The following SMAD9 variants were observed in gnomAD, a reference collection of about 807,000 sequenced individuals.
SMAD9 encodes the protein SMAD family member 9, also known as MAD homolog 9.
SMAD9 carries 36 observed loss-of-function variants against 46.1 expected under a neutral mutation model. The observed-to-expected ratio is 0.78, with a 90% confidence interval of 0.60 to 1.03. SMAD9 has a LOEUF of 1.03. SMAD9 is among the 50% of genes least tolerant of loss of function. The pLI, the probability that SMAD9 is intolerant of heterozygous loss-of-function variation, is 0.00. For missense variants in SMAD9, 572 were observed against 599.8 expected, an observed-to-expected ratio of 0.95 and a Z score of 0.48; for synonymous variants, 245 against 237.1, an observed-to-expected ratio of 1.03 and a Z score of -0.31.
At chr13:36,902,137 AT>A (rs1445340428) in intron 1 of SMAD9, among the ~76,000 whole-genome samples, 1 of 151,562 alleles carries the variant, frequency 6.6e-6, no homozygotes, top group East Asian at 1.9e-4. Context: ...GTTATTGATC[AT>A]TTTCAGTCAA....
chr13:36,849,114 T>C (rs887926910), intron 6 of SMAD9, among the ~76,000 whole-genome samples: 1 of 152,154 alleles, frequency 6.6e-6, no homozygotes, highest in Non-Finnish European at 1.5e-5. Context: ...CATTTTCCCT[T>C]CCACAAAGGA....
intron 4 of SMAD9, among the ~76,000 whole-genome samples, 167 bp from the exon 5 acceptor site, chr13:36,865,925 T>C (rs1041769139): frequency 6.6e-6 from 1 of 152,180 alleles, no homozygotes; most frequent in Non-Finnish European, 1.5e-5. Flanking sequence ...TGGGAGCTGT[T>C]TGGGGCCGGC....
At chr13:36,893,453 T>C (rs774689761) in intron 1 of SMAD9, among the ~76,000 whole-genome samples, 1 of 148,094 alleles carries the variant, frequency 6.8e-6, no homozygotes, top group African/African-American at 2.5e-5. Flanking sequence ...TATATATATA[T>C]ATACACATAA....
At chr13:36,850,406 G>A (rs1205317012) in intron 6 of SMAD9, among the ~76,000 whole-genome samples, 1 of 152,116 alleles carries the variant, frequency 6.6e-6, no homozygotes, top group Non-Finnish European at 1.5e-5. Context: ...TTGAGATGGA[G>A]TCTGGCTCTG....
In SMAD9 at chr13:36,848,700, A is replaced by G; in HGVS notation, c.1380T>C (p.His460=). ...GTTAAGACACTGAAGAAATGGGGTTATGTGGAGAGCCCATCTGAGTCAGAA... is the reference window on the plus strand; with the variant it reads ...GTTAAGACACTGAAGAAATGGGGTTGTGTGGAGAGCCCATCTGAGTCAGAA... ...DKVLTQMGSP[H]NPISSVS Residue 460 remains histidine (H), a synonymous_variant, in exon 7 of 7, where the codon CAT becomes CAC. Transcript: ENST00000379826. The G allele has an allele frequency of 6.2e-7, 1 of 1,614,210 alleles. No homozygotes were observed. Among genetic ancestry groups the G allele is most frequent in the Non-Finnish European group, 8.5e-7 (1 of 1,180,006 alleles).
chr13:36,908,902 C>G (rs2058638955), intron 1 of SMAD9, among the ~76,000 whole-genome samples: 1 of 152,124 alleles, frequency 6.6e-6, no homozygotes, highest in Non-Finnish European at 1.5e-5. Context: ...ATATGTGGCC[C>G]AAATGAAGAC....
chr13:36,847,483 T>C lies in SMAD9; in HGVS notation c.*1193A>G, dbSNP rs998795589. 2.6e-5 allele frequency: 4 copies of C among 152,224 alleles called. No homozygotes were observed. Among genetic ancestry groups the C allele is most frequent in the Admixed American group, 6.5e-5 (1 of 15,282 alleles). 9.4% of individuals were successfully genotyped at this position (152,224 alleles called of 1,614,324 possible). The stretch of plus-strand genomic sequence containing the variant: ...ATATTTTTAAAAGATGTCTTATTAT[T>C]CAGTACCACTGTTCCCCAGAAATTG... On this transcript the variant is annotated 3_prime_UTR_variant, in exon 7 of 7. Transcript: ENST00000379826.
At chr13:36,867,242 A>G in intron 4 of SMAD9, 31 bp downstream of exon 4, 1 of 1,360,980 alleles carries the variant, frequency 7.3e-7, no homozygotes, top group Non-Finnish European at 1.0e-6. Flanking sequence ...TTTGGAAAAT[A>G]GCTACATTTC....
intron 1 of SMAD9, among the ~76,000 whole-genome samples, chr13:36,890,536 A>AT (rs2058481375): frequency 6.6e-6 from 1 of 152,274 alleles, no homozygotes; most frequent in African/African-American, 2.4e-5. Context: ...GATAAATTGT[A>AT]TTTTTCTAAA....
intron 6 of SMAD9, chr13:36,851,726 G>GT (rs1388610478): frequency 3.7e-5 from 36 of 973,172 alleles, no homozygotes; most frequent in Non-Finnish European, 4.3e-5. Context: ...CATCTCAAAT[G>GT]TTAAAAAAAA....
chr13:36,866,800 G>A (rs1185999335), intron 4 of SMAD9, among the ~76,000 whole-genome samples: 2 of 152,180 alleles, frequency 1.3e-5, no homozygotes, highest in Non-Finnish European at 2.9e-5. Context: ...CTTCATTTAT[G>A]CAAGATCACA....
chr13:36,896,932 G>A (rs2058533370), intron 1 of SMAD9, among the ~76,000 whole-genome samples: 2 of 151,296 alleles, frequency 1.3e-5, no homozygotes, highest in Admixed American at 6.6e-5. Flanking sequence ...TGAATCCTAA[G>A]TTGCATTTGA....
chr13:36,861,579 T>C lies in SMAD9; in HGVS notation c.1003+3958A>G, dbSNP rs577172212. Among the ~76,000 whole-genome samples the C allele has an allele frequency of 1.5e-3, 220 of 147,538 alleles. 1 individual carries two copies. The highest frequency in any genetic ancestry group is 3.3e-3 in the Admixed American group (48 of 14,768). ...GACCTGCCTGCCTTGGCCTCCCAAA[T>C]TGCTGGGATTACAGGCATGAGCCAC... On this transcript the variant is annotated intron_variant, in intron 5 of 6. Transcript: ENST00000379826.
intron 5 of SMAD9, 131 bp from the exon 6 acceptor site, chr13:36,853,806 T>C (rs911830195): frequency 1.0e-5 from 9 of 895,830 alleles, no homozygotes; most frequent in African/African-American, 8.2e-5. Flanking sequence ...GAATGAGATG[T>C]GTGACCTAAA....
At chr13:36,888,857 T>A (rs567065890) in intron 1 of SMAD9, among the ~76,000 whole-genome samples, 1 of 152,168 alleles carries the variant, frequency 6.6e-6, no homozygotes, top group African/African-American at 2.4e-5. Context: ...ATATAATAGC[T>A]TAGAGAGGAA....
intron 1 of SMAD9, among the ~76,000 whole-genome samples, chr13:36,881,734 T>G (rs2058404339): frequency 6.6e-6 from 1 of 152,226 alleles, no homozygotes; most frequent in South Asian, 2.1e-4. Flanking sequence ...AATCATGAAT[T>G]TATAAAGTAT....
At chr13:36,898,844 T>C (rs1436539641) in intron 1 of SMAD9, among the ~76,000 whole-genome samples, 3 of 152,190 alleles carry the variant, frequency 2.0e-5, no homozygotes, top group African/African-American at 7.2e-5. Context: ...ATACTTCTCC[T>C]AAGACTAGAA....
rs1470976209 is a variant in SMAD9, at chr13:36,846,133, T to G, written c.*2543A>C. The G allele has an allele frequency of 3.3e-5, 5 of 151,748 alleles. No individual in the cohort carries two copies. The highest frequency in any genetic ancestry group is 9.7e-5 in the African/African-American group (4 of 41,394). The allele number at this position is 151,748 out of a possible 1,614,324, so 9.4% of individuals were successfully genotyped here. Reference sequence around the variant, plus strand: ...AGCCACTGCATCCAGATTTTTTTTTTGTTTTTAATGTCATTTATGAGCCAC... The same window carrying G: ...AGCCACTGCATCCAGATTTTTTTTTGGTTTTTAATGTCATTTATGAGCCAC... On this transcript the variant is annotated 3_prime_UTR_variant, in exon 7 of 7. Transcript: ENST00000379826.
chr13:36,894,547 G>C (rs896116318), intron 1 of SMAD9, among the ~76,000 whole-genome samples: 1 of 152,096 alleles, frequency 6.6e-6, no homozygotes, highest in African/African-American at 2.4e-5. Context: ...CTAACACATG[G>C]AACAATTAAT....
Sources: allele counts gnomAD v4.1 joint callset (sites outside exome capture counted in the v4.1 genomes callset), GRCh38; gene constraint gnomAD v4.1.1; transcripts MANE v1.5; gene names NCBI Gene and HGNC (gene_info 2026-07-23, HGNC 2026-07-21).